Variants in CHPT1 observed in about 807,000 individuals in gnomAD.
CHPT1 encodes cholinephosphotransferase 1.
Under a neutral mutation model 47.6 loss-of-function variants are expected in CHPT1, and 36 were observed. That is an observed-to-expected ratio of 0.76 (90% CI 0.58 to 1.00). The LOEUF is 1.00. Ranked by LOEUF, CHPT1 falls within the 50% of genes least tolerant of loss-of-function variation. The pLI is 0.00. For synonymous variants in CHPT1, 194 were observed against 186.3 expected (o/e 1.04, Z -0.33); for missense variants, 458 against 498.1 (o/e 0.92, Z 0.77).
chr12:101,698,502 G>C (rs1951499776), intron 1 of CHPT1, among the ~76,000 whole-genome samples: 1 of 152,220 alleles, frequency 6.6e-6, no homozygotes. Context: ...TGCACACTGG[G>C]GACTGAACAC....
In CHPT1 at chr12:101,723,420, T is replaced by G; in HGVS notation, c.939+94T>G. On this transcript the variant is annotated intron_variant, in intron 6 of 8. Transcript: ENST00000229266. ...TTCATAAAATGTATAGGTTTTCTTT[T>G]GTAGTGTAAAATCATAATAATTAGC... The G allele has an allele frequency of 4.9e-6, 4 of 809,566 alleles. No individual in the cohort carries two copies. The South Asian group carries it at 7.9e-5, about 16-fold the overall frequency. 50.1% of individuals were successfully genotyped at this position (809,566 alleles called of 1,614,324 possible). A position where few individuals can be genotyped will look rare whatever the true frequency, so the allele number is the denominator to read the frequency against.
chr12:101,700,644 A>G (rs1437842270), intron 1 of CHPT1, among the ~76,000 whole-genome samples: 6 of 152,222 alleles, frequency 3.9e-5, no homozygotes, highest in Admixed American at 3.3e-4. Flanking sequence ...CTTCAAAAAT[A>G]AAAAGATCCT....
Position 101,726,311 on chromosome 12 carries a change from T to C in CHPT1, c.1083T>C (p.Asp361=). ...TTCTAAAGGTGATTTCTTCATTTGATATGGTGATATACTTTAGTGCTTTGT... is the reference window on the plus strand; with the variant it reads ...TTCTAAAGGTGATTTCTTCATTTGACATGGTGATATACTTTAGTGCTTTGT... ...LWMAMVISSF[D]MVIYFSALCL... Residue 361 remains aspartate, a synonymous_variant, in exon 8 of 9, where the codon GAT becomes GAC. Coordinates refer to ENST00000229266, the MANE Select transcript of CHPT1 (RefSeq NM_020244.3). 2 of 1,608,224 alleles carry C rather than the reference T, an allele frequency of 1.2e-6. No individual in the cohort carries two copies. Among genetic ancestry groups the C allele is most frequent in the Non-Finnish European group, 1.7e-6 (2 of 1,175,608 alleles).
intron 7 of CHPT1, among the ~76,000 whole-genome samples, chr12:101,724,061 T>A (rs1419768675): frequency 6.6e-6 from 1 of 151,320 alleles, no homozygotes; most frequent in Admixed American, 6.6e-5. Context: ...TACCAAAAAA[T>A]ACAAAAAATT....
intron 5 of CHPT1, among the ~76,000 whole-genome samples, chr12:101,721,735 A>G (rs1225308868): frequency 3.9e-5 from 6 of 152,212 alleles, no homozygotes; most frequent in African/African-American, 1.4e-4. Flanking sequence ...ATTGAAGAAA[A>G]CAAGATGTAG....
intron 8 of CHPT1, chr12:101,728,304 TTAA>T (rs1952023312): frequency 1.3e-5 from 2 of 152,960 alleles, no homozygotes; most frequent in Admixed American, 1.3e-4. Flanking sequence ...ATTAGGTATG[TTAA>T]TGATGTGCTC....
At position 101,714,102 on chromosome 12, in the gene CHPT1, A is replaced by G. The variant is rs1244859959; in HGVS notation, c.286A>G (p.Thr96Ala). 1.9e-6 allele frequency: 3 copies of G among 1,604,584 alleles called. No homozygotes were observed. Among genetic ancestry groups the G allele is most frequent in the Non-Finnish European group, 2.6e-6 (3 of 1,173,268 alleles). The part of the protein sequence containing the change: ...PTATEEAPYW[T>A]YLLCALGLFI... Reference sequence around the variant, plus strand: ...ACATTTTTTATAGGCACCATACTGGACATACCTTTTATGTGCACTGGGACT... The same window carrying G: ...ACATTTTTTATAGGCACCATACTGGGCATACCTTTTATGTGCACTGGGACT... Residue 96 changes from threonine (T) to alanine (A), a missense_variant, in exon 2 of 9, where the codon ACA becomes GCA. Physicochemically the swap from Thr to Ala is moderately conservative, Grantham distance 58 (BLOSUM62 0). Coordinates refer to ENST00000229266, the MANE Select transcript of CHPT1 (RefSeq NM_020244.3).
At chr12:101,720,487 T>C (rs1434840667) in intron 5 of CHPT1, among the ~76,000 whole-genome samples, 1 of 152,214 alleles carries the variant, frequency 6.6e-6, no homozygotes, top group Non-Finnish European at 1.5e-5. Flanking sequence ...GTTTCATTAC[T>C]GCACATAATT....
At chr12:101,724,554 C>T (rs1317630620) in intron 7 of CHPT1, among the ~76,000 whole-genome samples, 1 of 152,070 alleles carries the variant, frequency 6.6e-6, no homozygotes, top group Admixed American at 6.6e-5. Flanking sequence ...GAATTGTCAG[C>T]TAATATTGAG....
In CHPT1 at chr12:101,698,045, GC is replaced by G; in HGVS notation, c.189del (p.Asn64ThrfsTer64). 2 of 1,579,266 alleles carry G rather than the reference GC, an allele frequency of 1.3e-6. No individual in the cohort carries two copies. The highest frequency in any genetic ancestry group is 2.4e-5 in the East Asian group (1 of 42,118). On this transcript the variant is annotated frameshift_variant, in exon 1 of 9. Transcript: ENST00000229266. LOFTEE classifies it high-confidence loss of function. ...GCTCCAGTGGATCCCGCTCTGGATG[GC>G]CCCCAACTCCATCACCCTGCTGGGG... The part of the protein sequence containing the change: ...WLLQWIPLWM[A>X]PNSITLLGLA...
chr12:101,716,375 T>A (rs974939590), intron 3 of CHPT1, among the ~76,000 whole-genome samples: 6 of 152,214 alleles, frequency 3.9e-5, no homozygotes, highest in African/African-American at 1.4e-4. Context: ...TAATTTTTCC[T>A]TATGTACACA....
intron 1 of CHPT1, among the ~76,000 whole-genome samples, chr12:101,709,779 G>A (rs1951682006): frequency 6.7e-6 from 1 of 148,644 alleles, no homozygotes; most frequent in African/African-American, 2.4e-5. Flanking sequence ...GTGTGAGGGG[G>A]AAAGTGCTTA....
rs567098232 is a variant in CHPT1, at chr12:101,709,608, C to G, written c.274-4482C>G. Among the ~76,000 whole-genome samples, 100 of 148,514 alleles carry G rather than the reference C, an allele frequency of 6.7e-4. 1 individual carries two copies. The highest frequency in any genetic ancestry group is 2.3e-3 in the African/African-American group (96 of 41,184). ...GAAAAAGAGAAGATAGGTCTGGCTC[C>G]TGAGGCCTTGGGAAGACTGGGAAAA... On this transcript the variant is annotated intron_variant, in intron 1 of 8. Transcript: ENST00000229266.
rs17031928 is a variant in CHPT1 at position 101,721,455 on chromosome 12, C to G, written c.780+1201C>G. On this transcript the variant is annotated intron_variant, in intron 5 of 8. Transcript: ENST00000229266. The stretch of plus-strand genomic sequence containing the variant: ...ATTTTTAGTAAAAAAAAGTCTCATT[C>G]TTTTAAAAGACGTGTAAGTAGACTT... Among the ~76,000 whole-genome samples the G allele has an allele frequency of 0.022, 3,323 of 152,126 alleles. 333 individuals carry two copies. In the East Asian group the frequency reaches 0.31, roughly 14 times the overall value.
intron 1 of CHPT1, among the ~76,000 whole-genome samples, chr12:101,710,839 G>T (rs1951694290): frequency 6.7e-6 from 1 of 148,652 alleles, no homozygotes; most frequent in African/African-American, 2.4e-5. Flanking sequence ...ATAGAGAAAT[G>T]GAAGATCCCT....
intron 1 of CHPT1, among the ~76,000 whole-genome samples, chr12:101,705,866 C>G (rs1951624040): frequency 6.7e-6 from 1 of 148,356 alleles, no homozygotes; most frequent in East Asian, 2.1e-4. Flanking sequence ...GCTGGGATTA[C>G]AGGCATGCAC....
chr12:101,702,628 T>C (rs1951570052), intron 1 of CHPT1, among the ~76,000 whole-genome samples: 2 of 152,062 alleles, frequency 1.3e-5, no homozygotes, highest in African/African-American at 2.4e-5. Flanking sequence ...AAATAACCTT[T>C]AGATTCCTAC....
At chr12:101,723,549 G>A (rs1951892973) in intron 6 of CHPT1, among the ~76,000 whole-genome samples, 173 bp from the exon 7 acceptor site, 1 of 152,088 alleles carries the variant, frequency 6.6e-6, no homozygotes, top group South Asian at 2.1e-4. Flanking sequence ...TTAAACACTG[G>A]AAACTTTAAT....
At position 101,711,476 on chromosome 12, in the gene CHPT1, G is replaced by GA. The variant is rs1485633425; in HGVS notation, c.274-2605dup. Among the ~76,000 whole-genome samples the GA allele has an allele frequency of 6.1e-5, 9 of 146,416 alleles. 1 individual carries two copies. The highest frequency in any genetic ancestry group is 4.0e-4 in the East Asian group (2 of 4,948). ...TTGATCTCGCGTATACACAGAATCT[G>GA]AAAAAAAAATTCAGAGATAGAGAAT... On this transcript the variant is annotated intron_variant, in intron 1 of 8. Transcript: ENST00000229266.
Sources: allele counts gnomAD v4.1 joint callset (sites outside exome capture counted in the v4.1 genomes callset), GRCh38; gene constraint gnomAD v4.1.1; transcripts MANE v1.5; gene names NCBI Gene and HGNC (gene_info 2026-07-23, HGNC 2026-07-21).